Variants in HS3ST3A1 observed in about 807,000 individuals in gnomAD.
The protein encoded by HS3ST3A1 is heparan sulfate glucosamine 3-O-sulfotransferase 3A1.
In HS3ST3A1, 19 loss-of-function variants were observed where a neutral mutation model predicts 25.7. The ratio of observed to expected loss-of-function variants is 0.74; its 90% CI spans 0.52 to 1.08. HS3ST3A1 has a LOEUF of 1.08. Ranked by LOEUF, HS3ST3A1 falls within the 50% of genes least tolerant of loss-of-function variation. The pLI, the probability that HS3ST3A1 is intolerant of heterozygous loss-of-function variation, is 0.00. For missense variants in HS3ST3A1, 459 were observed against 594.3 expected (o/e 0.77, Z 2.37); for synonymous variants, 226 against 278.6 (o/e 0.81, Z 1.88).
intron 1 of HS3ST3A1, among the ~76,000 whole-genome samples, chr17:13,538,633 A>T (rs1335532650): frequency 6.6e-6 from 1 of 152,036 alleles, no homozygotes; most frequent in Non-Finnish European, 1.5e-5. Flanking sequence ...ACATTAAGAG[A>T]CTCAGGCAAG....
intron 1 of HS3ST3A1, 135 bp downstream of exon 1, chr17:13,600,396 G>A: frequency 2.2e-6 from 3 of 1,378,922 alleles, no homozygotes; most frequent in South Asian, 3.2e-5. Context: ...AGGGAAGAAA[G>A]ACCCTTGACG....
At chr17:13,556,004 T>G (rs1408581194) in intron 1 of HS3ST3A1, 3 of 152,152 alleles carry the variant, frequency 2.0e-5, no homozygotes, top group African/African-American at 7.2e-5. Flanking sequence ...CAAAATGACC[T>G]AAGAAGAAGA....
chr17:13,513,514 T>C (rs1183546836), intron 1 of HS3ST3A1, among the ~76,000 whole-genome samples: 1 of 152,228 alleles, frequency 6.6e-6, no homozygotes, highest in East Asian at 1.9e-4. Flanking sequence ...ACCGCTCCGA[T>C]ATAGCATTTA....
chr17:13,585,838 G>T (rs1908244496), intron 1 of HS3ST3A1, among the ~76,000 whole-genome samples: 3 of 128,260 alleles, frequency 2.3e-5, no homozygotes, highest in Admixed American at 7.9e-5. Flanking sequence ...TCCTCCTTCT[G>T]CGTTTTTTTT....
At chr17:13,557,894 C>A (rs936539148) in intron 1 of HS3ST3A1, among the ~76,000 whole-genome samples, 3 of 152,158 alleles carry the variant, frequency 2.0e-5, no homozygotes, top group Non-Finnish European at 4.4e-5. Flanking sequence ...TGAAAAGGGA[C>A]AAGCATTTGC....
chr17:13,565,241 GT>G (rs1452351086), intron 1 of HS3ST3A1, among the ~76,000 whole-genome samples: 2 of 151,918 alleles, frequency 1.3e-5, no homozygotes, highest in African/African-American at 4.8e-5. Context: ...CAATGCAAGG[GT>G]TTAAAAAGCT....
intron 1 of HS3ST3A1, among the ~76,000 whole-genome samples, chr17:13,507,327 G>T (rs1031295893): frequency 6.6e-6 from 1 of 152,170 alleles, no homozygotes; most frequent in Non-Finnish European, 1.5e-5. Context: ...CACAGATGGG[G>T]AAATAGGCTC....
At chr17:13,554,826 C>A (rs1239761818) in intron 1 of HS3ST3A1, among the ~76,000 whole-genome samples, 17 of 152,100 alleles carry the variant, frequency 1.1e-4, no homozygotes. Context: ...TACCCTCCAC[C>A]CCCAACAAGT....
intron 1 of HS3ST3A1, among the ~76,000 whole-genome samples, chr17:13,596,423 A>T (rs1490270354): frequency 2.8e-5 from 1 of 36,020 alleles, no homozygotes; most frequent in Non-Finnish European, 1.0e-4. Context: ...GTGCGTACAC[A>T]CACACACACA....
intron 1 of HS3ST3A1, among the ~76,000 whole-genome samples, chr17:13,547,256 T>G (rs1907116804): frequency 6.6e-6 from 1 of 152,220 alleles, no homozygotes; most frequent in Admixed American, 6.5e-5. Context: ...CTGACACAGC[T>G]CCTAAAGCCC....
chr17:13,543,036 T>G (rs1906979439), intron 1 of HS3ST3A1, among the ~76,000 whole-genome samples: 1 of 152,182 alleles, frequency 6.6e-6, no homozygotes, highest in African/African-American at 2.4e-5. Flanking sequence ...TCCAAACCCC[T>G]TCCTACATAC....
chr17:13,581,074 T>C (rs998410288), intron 1 of HS3ST3A1, among the ~76,000 whole-genome samples: 4 of 152,184 alleles, frequency 2.6e-5, no homozygotes, highest in Non-Finnish European at 5.9e-5. Context: ...GCTCACATTA[T>C]GGTCAAATGG....
chr17:13,501,186 ACGTAAC>A (rs1181246503), intron 1 of HS3ST3A1, among the ~76,000 whole-genome samples: 2 of 151,998 alleles, frequency 1.3e-5, no homozygotes, highest in African/African-American at 4.8e-5. Flanking sequence ...GGGATCGATC[ACGTAAC>A]AACGTGTATG....
Position 13,596,418 on chromosome 17 carries a change from T to TACACACACACACAC in HS3ST3A1, c.599+4099_599+4112dup, listed in dbSNP as rs10535139. 3.4e-5 allele frequency among the ~76,000 whole-genome samples: 5 copies of TACACACACACACAC among 146,442 alleles called. No individual in the cohort carries two copies. In the East Asian group the frequency reaches 6.3e-4, roughly 18 times the overall value. On this transcript the variant is annotated intron_variant, in intron 1 of 1. Transcript: ENST00000284110. ...GCATGTGTGAGGGTGTGCGCGTGCG[T>TACACACACACACAC]ACACACACACACACACACACACACA...
At chr17:13,501,125 T>C (rs1277352830) in intron 1 of HS3ST3A1, among the ~76,000 whole-genome samples, 1 of 152,202 alleles carries the variant, frequency 6.6e-6, no homozygotes, top group East Asian at 1.9e-4. Context: ...AACAGAGAAC[T>C]ATTGTTCAGT....
chr17:13,533,480 T>C (rs983317287), intron 1 of HS3ST3A1, among the ~76,000 whole-genome samples: 2 of 110,452 alleles, frequency 1.8e-5, no homozygotes, highest in Non-Finnish European at 4.2e-5. Flanking sequence ...GTAAGAAAAA[T>C]AATAATGAAA....
In HS3ST3A1 at chr17:13,585,848, T is replaced by C; in HGVS notation, c.599+14683A>G. ...GTTATTCCTCCTTCTGCGTTTTTTT[T>C]TTTTTTTTTTTTTTTTTTTCTGACA... On this transcript the variant is annotated intron_variant, in intron 1 of 1. Coordinates refer to ENST00000284110, the MANE Select transcript of HS3ST3A1 (RefSeq NM_006042.3). 1.5e-5 allele frequency among the ~76,000 whole-genome samples: 2 copies of C among 132,904 alleles called. 1 individual carries two copies. The allele number at this position is 132,904 out of a possible 152,430, so 87.2% of individuals were successfully genotyped here.
chr17:13,574,745 C>A (rs1907906614), intron 1 of HS3ST3A1, among the ~76,000 whole-genome samples: 1 of 99,378 alleles, frequency 1.0e-5, no homozygotes, highest in Non-Finnish European at 1.9e-5. Flanking sequence ...AACAAATACA[C>A]ACACACACAC....
intron 1 of HS3ST3A1, among the ~76,000 whole-genome samples, chr17:13,542,394 G>T (rs907085695): frequency 2.6e-5 from 4 of 151,816 alleles, no homozygotes; most frequent in African/African-American, 9.7e-5. Flanking sequence ...AACAGAATTG[G>T]TGTTCTTAAA....
Sources: gnomAD v4.1 joint callset for allele counts (sites outside exome capture counted in the v4.1 genomes callset) on GRCh38, gnomAD v4.1.1 for gene constraint, MANE v1.5 for transcripts, NCBI Gene and HGNC (gene_info 2026-07-23, HGNC 2026-07-21) for gene names.